The following ZDHHC8 variants were observed in gnomAD, a reference collection of about 807,000 sequenced individuals.
ZDHHC8 encodes palmitoyltransferase ZDHHC8.
ZDHHC8 carries 24 observed loss-of-function variants against 61.2 expected under a neutral mutation model. The observed-to-expected ratio is 0.39, with a 90% CI of 0.28 to 0.55. The LOEUF is 0.55. Ranked by LOEUF, ZDHHC8 falls within the 20% of genes least tolerant of loss-of-function variation. The pLI is 0.60. For missense variants in ZDHHC8, 935 were observed against 1,102.1 expected (o/e 0.85, Z 2.15); for synonymous variants, 523 against 492.5 (o/e 1.06, Z -0.82).
At position 20,140,961 on chromosome 22, in the gene ZDHHC8, C is replaced by G; in HGVS notation, c.843C>G (p.Leu281=). The change falls in exon 7 of 11, where the codon CTC becomes CTG. Residue 281 remains leucine (L), a synonymous_variant. Transcript: ENST00000334554. ...RPELLDRAAP[L]KVKLSDNGLK... ...AACTCCTGGACCGAGCTGCACCGCT[C>G]AAGGTCAAGCTTAGTGACAACGGGC... 6.2e-7 allele frequency: 1 copy of G among 1,610,892 alleles called. No homozygotes were observed. The highest frequency in any genetic ancestry group is 8.5e-7 in the Non-Finnish European group (1 of 1,179,990).
At chr22:20,140,450 A>C (rs907540813) in intron 5 of ZDHHC8, 167 bp from the exon 6 acceptor site, 2 of 829,976 alleles carry the variant, frequency 2.4e-6, no homozygotes, top group African/African-American at 1.7e-5. Flanking sequence ...GCTCCCTGCA[A>C]GTTCAGGCTG....
In ZDHHC8 at chr22:20,145,562, G is replaced by T. The variant is rs563207058; in HGVS notation, c.*162G>T. On this transcript the variant is annotated 3_prime_UTR_variant, in exon 11 of 11. Coordinates refer to ENST00000334554, the MANE Select transcript of ZDHHC8 (RefSeq NM_013373.4). ...GCCACGCCTCCACAGCTTGCCCCAAGCGCTCTGCCTGCCCGTCCACTCATC... is the reference window on the plus strand; with the variant it reads ...GCCACGCCTCCACAGCTTGCCCCAATCGCTCTGCCTGCCCGTCCACTCATC... 8.2e-4 allele frequency: 1,053 copies of T among 1,282,716 alleles called. 1 individual carries two copies. Among genetic ancestry groups the T allele is most frequent in the Non-Finnish European group, 9.7e-4 (988 of 1,014,704 alleles). The allele number at this position is 1,282,716 out of a possible 1,614,324, so 79.5% of individuals were successfully genotyped here.
At position 20,140,894 on chromosome 22, in the gene ZDHHC8, T is replaced by A. The variant is rs141589913; in HGVS notation, c.776T>A (p.Leu259Gln). ...AGGTACGTGGTGGAGCCACCCCGGC[T>A]GCCGCTCGCGGTGAGTTTGAAGCCG... Reference protein sequence around the residue: ...APRYVVEPPRLPLAVSLKPPF... With the variant: ...APRYVVEPPRQPLAVSLKPPF... Residue 259 changes from leucine (L) to glutamine (Q), a missense_variant, in exon 7 of 11, where the codon CTG (leucine) becomes CAG (glutamine). This residue lies in a region of ZDHHC8 where 692 missense variants were observed against 731.4 expected (regional missense o/e 0.95). Coordinates refer to ENST00000334554, the MANE Select transcript of ZDHHC8 (RefSeq NM_013373.4). 109 of 1,604,180 alleles carry A rather than the reference T, an allele frequency of 6.8e-5. 2 individuals carry two copies. In the South Asian group the frequency reaches 1.2e-3, roughly 17 times the overall value.
chr22:20,144,972 T>C (rs568022088), intron 10 of ZDHHC8, among the ~76,000 whole-genome samples: 1 of 152,074 alleles, frequency 6.6e-6, no homozygotes, highest in Non-Finnish European at 1.5e-5. Flanking sequence ...ACCCAGGGAC[T>C]CGGGAGGGTG....
Position 20,146,814 on chromosome 22 carries a change from G to T in ZDHHC8, c.*1414G>T. ...CATAGGGGCCACCTGTTGGCTCAGG[G>T]CCCTGTGGGGGCCGCTGAACCTGCT... is the stretch of plus-strand genomic sequence containing the variant. On this transcript the variant is annotated 3_prime_UTR_variant, in exon 11 of 11. Transcript: ENST00000334554. 8.0e-7 allele frequency: 1 copy of T among 1,246,886 alleles called. No individual in the cohort carries two copies. Among genetic ancestry groups the T allele is most frequent in the African/African-American group, 1.6e-5 (1 of 64,446 alleles). The allele number at this position is 1,246,886 out of a possible 1,614,324, so 77.2% of individuals were successfully genotyped here.
intron 1 of ZDHHC8, among the ~76,000 whole-genome samples, chr22:20,136,714 A>G (rs2050423977): frequency 6.6e-6 from 1 of 152,192 alleles, no homozygotes; most frequent in Admixed American, 6.5e-5. Context: ...GCAAGTGTTC[A>G]TGCATGTATA....
At chr22:20,135,730 G>A (rs2050414108) in intron 1 of ZDHHC8, among the ~76,000 whole-genome samples, 1 of 152,214 alleles carries the variant, frequency 6.6e-6, no homozygotes. Context: ...CCTGGCCCCC[G>A]AGCCTCAGTT....
chr22:20,143,043 C>G lies in ZDHHC8; in HGVS notation c.1413C>G (p.Pro471=). The G allele has an allele frequency of 6.2e-7, 1 of 1,612,536 alleles. No individual in the cohort carries two copies. Among genetic ancestry groups the G allele is most frequent in the Non-Finnish European group, 8.5e-7 (1 of 1,179,864 alleles). Residue 471 remains proline, a synonymous_variant, in exon 10 of 11, where the codon CCC becomes CCG. Transcript: ENST00000334554. ...HRSIFAPHAL[P]NRNGSLSYDS... ...GCATTTTTGCCCCCCATGCACTGCC[C>G]AACCGCAACGGCAGCCTGTCCTATG...
chr22:20,136,954 T>A (rs1329694929), intron 1 of ZDHHC8, among the ~76,000 whole-genome samples: 1 of 152,252 alleles, frequency 6.6e-6, no homozygotes, highest in Non-Finnish European at 1.5e-5. Context: ...CTGAGAGCTC[T>A]GGGCCCTGGT....
rs1256577597 is a variant in ZDHHC8, at chr22:20,143,104, G to A, written c.1474G>A (p.Ala492Thr). 9 of 1,612,150 alleles carry A rather than the reference G, an allele frequency of 5.6e-6. No homozygotes were observed. Among genetic ancestry groups the A allele is most frequent in the South Asian group, 3.3e-5 (3 of 91,088 alleles). ...CAATCCTGGCTCGCCTGGTGGCCAC[G>A]CCTGCCCTGCCCACCCAGCAGTTGG... ...LLNPGSPGGH[A>T]CPAHPAVGVA... is the part of the protein sequence containing the mutation. The change falls in exon 10 of 11, where the codon GCC becomes ACC. Residue 492 changes from alanine to threonine, a missense_variant. Coordinates refer to ENST00000334554, the MANE Select transcript of ZDHHC8 (RefSeq NM_013373.4).
intron 1 of ZDHHC8, among the ~76,000 whole-genome samples, chr22:20,133,455 G>A (rs555308028): frequency 6.6e-5 from 10 of 152,262 alleles, no homozygotes; most frequent in South Asian, 2.1e-4. Context: ...TGGGCCGGGC[G>A]CGGTGGCTCA....
At chr22:20,140,751 G>C (rs1255822041) in intron 6 of ZDHHC8, 43 bp downstream of exon 6, 4 of 1,598,096 alleles carry the variant, frequency 2.5e-6, no homozygotes, top group Non-Finnish European at 2.6e-6. Flanking sequence ...CCTCTGCTGG[G>C]TGTGGGGCGG....
At position 20,132,078 on chromosome 22, in the gene ZDHHC8, C is replaced by T. The variant is rs372024576; in HGVS notation, c.104+27C>T. On this transcript the variant is annotated intron_variant, in intron 1 of 10. Transcript: ENST00000334554. The stretch of plus-strand genomic sequence containing the variant: ...TGAGTCGGCGCCGCGTCTGGGGGCA[C>T]GCGGGCAGCGATGGGCAGGGCCCGC... 2.0e-4 allele frequency: 247 copies of T among 1,239,388 alleles called. No individual in the cohort carries two copies. The African/African-American group carries it at 3.3e-3, about 17-fold the overall frequency. The allele number at this position is 1,239,388 out of a possible 1,614,324, so 76.8% of individuals were successfully genotyped here. A position where few individuals can be genotyped will look rare whatever the true frequency, so the allele number is the denominator to read the frequency against.
In ZDHHC8 at chr22:20,131,959, C is replaced by T. The variant is rs2050377698; in HGVS notation, c.12C>T (p.Ser4=). MPR[S]PGTRLKPAKY... ...GCGCGGCGCCCAGGATGCCCCGCAG[C>T]CCCGGGACGCGCCTCAAACCCGCCA... The change falls in exon 1 of 11, where the codon AGC becomes AGT. Residue 4 remains serine (S), a synonymous_variant. Coordinates refer to ENST00000334554, the MANE Select transcript of ZDHHC8 (RefSeq NM_013373.4). 6 of 1,278,408 alleles carry T rather than the reference C, an allele frequency of 4.7e-6. No homozygotes were observed. The highest frequency in any genetic ancestry group is 5.0e-6 in the Non-Finnish European group (5 of 993,540). The allele number at this position is 1,278,408 out of a possible 1,614,324, so 79.2% of individuals were successfully genotyped here.
At chr22:20,134,033 G>A (rs921924941) in intron 1 of ZDHHC8, among the ~76,000 whole-genome samples, 4 of 152,204 alleles carry the variant, frequency 2.6e-5, no homozygotes, top group African/African-American at 9.6e-5. Flanking sequence ...TGGGGTTCTG[G>A]TTTCGGCGAC....
At chr22:20,141,641 T>G (rs917058543) in intron 9 of ZDHHC8, 111 bp downstream of exon 9, 7 of 912,862 alleles carry the variant, frequency 7.7e-6, no homozygotes, top group African/African-American at 1.7e-5. Flanking sequence ...GCCCCATCTC[T>G]CCAGCAGAGG....
intron 10 of ZDHHC8, among the ~76,000 whole-genome samples, chr22:20,144,082 G>A (rs1431834167): frequency 1.3e-5 from 2 of 152,168 alleles, no homozygotes; most frequent in East Asian, 3.9e-4. Flanking sequence ...TCATGTGGCA[G>A]CCTGGGCCTC....
chr22:20,141,576 C>T (rs1220173273), intron 9 of ZDHHC8, 46 bp downstream of exon 9: 75 of 1,526,034 alleles, frequency 4.9e-5, no homozygotes, highest in Non-Finnish European at 6.6e-5. Context: ...TCCCCCAGGC[C>T]CGCCTCTAGG....
rs985891427 is a variant in ZDHHC8, at chr22:20,140,797, C to T, written c.753-74C>T. 6.3e-6 allele frequency: 10 copies of T among 1,594,954 alleles called. No homozygotes were observed. In the African/African-American group the frequency reaches 1.2e-4, roughly 19 times the overall value. ...ACCCTCTTGGTCCGTTTGGCTCTTG[C>T]CAGGTATGGCCAGCCCTGCCCTTGT... is the stretch of plus-strand genomic sequence containing the variant. On this transcript the variant is annotated intron_variant, in intron 6 of 10. Transcript: ENST00000334554.
Sources: allele counts gnomAD v4.1 joint callset (sites outside exome capture counted in the v4.1 genomes callset), GRCh38; gene constraint gnomAD v4.1.1; regional missense constraint gnomAD v4.1.1; transcripts MANE v1.5; gene names NCBI Gene and HGNC (gene_info 2026-07-23, HGNC 2026-07-21).